Variants in CTPS1 observed in about 807,000 individuals in gnomAD.
The protein encoded by CTPS1 is CTP synthetase 1.
CTPS1 carries 25 observed loss-of-function variants against 80.5 expected under a neutral mutation model. The ratio of observed to expected loss-of-function variants is 0.31; its 90% CI spans 0.23 to 0.43. CTPS1 has a LOEUF of 0.43. CTPS1 is among the 20% of genes least tolerant of loss of function. CTPS1 has a pLI of 1.00. For missense variants in CTPS1, 442 were observed against 725.7 expected, an observed-to-expected ratio of 0.61 and a Z score of 4.49; for synonymous variants, 267 against 252.5, an observed-to-expected ratio of 1.06 and a Z score of -0.54.
intron 1 of CTPS1, 69 bp downstream of exon 1, chr1:40,979,898 C>G (rs919549814): frequency 5.9e-5 from 9 of 152,222 alleles, no homozygotes; most frequent in African/African-American, 2.2e-4. Context: ...GCGAGCTGAG[C>G]CCGGCGCCGA....
intron 7 of CTPS1, among the ~76,000 whole-genome samples, chr1:40,992,970 A>C (rs1642653874): frequency 6.6e-6 from 1 of 152,018 alleles, no homozygotes; most frequent in South Asian, 2.1e-4. Flanking sequence ...CTGGGATTAC[A>C]GGTGTGAGGG....
intron 7 of CTPS1, among the ~76,000 whole-genome samples, chr1:40,992,293 C>A (rs1465211989): frequency 6.6e-6 from 1 of 152,182 alleles, no homozygotes; most frequent in Admixed American, 6.5e-5. Context: ...GCGTCCTTCA[C>A]TGGGCTCCTG....
intron 2 of CTPS1, among the ~76,000 whole-genome samples, chr1:40,983,865 A>C (rs1570938546): frequency 6.6e-6 from 1 of 152,264 alleles, no homozygotes; most frequent in East Asian, 1.9e-4. Flanking sequence ...CTGTAATCCC[A>C]AAGTGCTGGG....
At chr1:40,989,197 A>G (rs1430206881) in intron 5 of CTPS1, among the ~76,000 whole-genome samples, 1 of 152,184 alleles carries the variant, frequency 6.6e-6, no homozygotes, top group African/African-American at 2.4e-5. Context: ...ACTGCTTCAG[A>G]AGACTCAGAC....
At position 41,011,973 on chromosome 1, in the gene CTPS1, T is replaced by C. The variant is rs1052801709; in HGVS notation, c.*325T>C. 3 of 152,222 alleles carry C rather than the reference T, an allele frequency of 2.0e-5. No individual in the cohort carries two copies. The highest frequency in any genetic ancestry group is 6.5e-5 in the Admixed American group (1 of 15,284). The allele number at this position is 152,222 out of a possible 1,614,324, so 9.4% of individuals were successfully genotyped here. On this transcript the variant is annotated 3_prime_UTR_variant, in exon 19 of 19. Transcript: ENST00000650070. Reference sequence around the variant, plus strand: ...AACTACCTCGCATCATTGCAGATGCTAGCGCGTTGCCTGTCGCTTTCCCTT... The same window carrying C: ...AACTACCTCGCATCATTGCAGATGCCAGCGCGTTGCCTGTCGCTTTCCCTT...
chr1:40,992,951 C>T (rs539733327), intron 7 of CTPS1, among the ~76,000 whole-genome samples: 28 of 152,104 alleles, frequency 1.8e-4, no homozygotes, highest in African/African-American at 4.8e-4. Flanking sequence ...GCCTCAGCCT[C>T]CCAAAGTGCT....
intron 9 of CTPS1, 24 bp downstream of exon 9, chr1:40,997,550 G>A (rs1356657161): frequency 6.2e-7 from 1 of 1,611,010 alleles, no homozygotes; most frequent in Non-Finnish European, 8.5e-7. Context: ...CACAGGTACA[G>A]CCAAAGGATG....
rs1194617164 is a variant in CTPS1, at chr1:41,003,098, T to C, written c.1190-16T>C. On this transcript the variant is annotated splice_polypyrimidine_tract_variant and intron_variant, in intron 11 of 18. Coordinates refer to ENST00000650070, the MANE Select transcript of CTPS1 (RefSeq NM_001905.4). ...TTTCAATGGAGTTTTGTTTGTTTTT[T>C]CCCCCCGACTGGAAGGCGTGTGCTT... 1.1e-5 allele frequency: 17 copies of C among 1,613,916 alleles called. No homozygotes were observed. Among genetic ancestry groups the C allele is most frequent in the Admixed American group, 1.7e-5 (1 of 59,996 alleles).
Position 41,012,407 on chromosome 1 carries a change from A to G in CTPS1, c.*759A>G, listed in dbSNP as rs1227020175. ...ATAGACAGCTTTGACTGGAGGGTCC[A>G]TTTTTCTTCCAGGATGGTGTTACTG... is the stretch of plus-strand genomic sequence containing the variant. On this transcript the variant is annotated 3_prime_UTR_variant, in exon 19 of 19. Transcript: ENST00000650070. 1 of 152,114 alleles carries G rather than the reference A, an allele frequency of 6.6e-6. No homozygotes were observed. Among genetic ancestry groups the G allele is most frequent in the South Asian group, 2.1e-4 (1 of 4,822 alleles). The allele number at this position is 152,114 out of a possible 1,614,324, so 9.4% of individuals were successfully genotyped here. A position where few individuals can be genotyped will look rare whatever the true frequency, so the allele number is the denominator to read the frequency against.
At chr1:40,983,494 G>A (rs987001462) in intron 2 of CTPS1, 38 bp downstream of exon 2, 5 of 1,539,220 alleles carry the variant, frequency 3.2e-6, no homozygotes, top group Admixed American at 3.7e-5. Flanking sequence ...ATTGCATGTG[G>A]CAGAACATGT....
intron 12 of CTPS1, 82 bp from the exon 13 acceptor site, chr1:41,005,969 A>G (rs1643023267): frequency 9.2e-7 from 1 of 1,083,624 alleles, no homozygotes; most frequent in South Asian, 1.3e-5. Context: ...TGAGGAGGGA[A>G]GTTGTGTTTA....
At chr1:40,984,490 G>A (rs1428652627) in intron 2 of CTPS1, among the ~76,000 whole-genome samples, 1 of 152,168 alleles carries the variant, frequency 6.6e-6, no homozygotes, top group Non-Finnish European at 1.5e-5. Context: ...GTTTCTGAAG[G>A]TTCTTTTTCC....
At chr1:41,011,277 G>A (rs1167558080) in intron 18 of CTPS1, among the ~76,000 whole-genome samples, 5 of 152,234 alleles carry the variant, frequency 3.3e-5, no homozygotes, top group Non-Finnish European at 1.5e-5. Flanking sequence ...TGACCAGGGA[G>A]TTTGCTATAG....
intron 1 of CTPS1, among the ~76,000 whole-genome samples, chr1:40,982,551 G>A (rs1380618795): frequency 6.6e-6 from 1 of 152,078 alleles, no homozygotes; most frequent in Non-Finnish European, 1.5e-5. Flanking sequence ...CATCACAGCC[G>A]GCTAATTTTT....
chr1:41,010,552 C>T (rs190521596), intron 18 of CTPS1, among the ~76,000 whole-genome samples: 131 of 152,248 alleles, frequency 8.6e-4, no homozygotes, highest in African/African-American at 3.1e-3. Flanking sequence ...CATTCTGGTG[C>T]CAGTCTGACC....
chr1:41,005,421 A>C (rs1302375000), intron 12 of CTPS1, among the ~76,000 whole-genome samples: 1 of 152,006 alleles, frequency 6.6e-6, no homozygotes, highest in Non-Finnish European at 1.5e-5. Context: ...CAGCCTGCCC[A>C]CACTTGTTGC....
intron 9 of CTPS1, among the ~76,000 whole-genome samples, chr1:40,999,054 A>G (rs1443369691): frequency 6.6e-6 from 1 of 152,242 alleles, no homozygotes; most frequent in African/African-American, 2.4e-5. Flanking sequence ...CCTTTAAGGA[A>G]TATTGAGTCT....
At chr1:40,987,525 C>T in intron 4 of CTPS1, 53 bp downstream of exon 4, 1 of 1,281,018 alleles carries the variant, frequency 7.8e-7, no homozygotes, top group Non-Finnish European at 1.1e-6. Flanking sequence ...CTTAGTCAGC[C>T]ATCAATAACT....
intron 1 of CTPS1, chr1:40,980,073 A>C (rs1157368276): frequency 6.6e-6 from 1 of 150,380 alleles, no homozygotes; most frequent in African/African-American, 2.4e-5. Flanking sequence ...GGCGCTGGGG[A>C]GAGGGGCCAA....
Sources: allele counts gnomAD v4.1 joint callset (sites outside exome capture counted in the v4.1 genomes callset), GRCh38; gene constraint gnomAD v4.1.1; transcripts MANE v1.5; gene names NCBI Gene and HGNC (gene_info 2026-07-23, HGNC 2026-07-21).